The following IP6K1 variants were observed in gnomAD, a reference collection of about 807,000 sequenced individuals.
IP6K1 encodes ATP:1D-myo-inositol-hexakisphosphate phosphotransferase.
IP6K1 carries 13 observed loss-of-function variants against 38.3 expected under a neutral mutation model. The observed-to-expected ratio is 0.34, with a 90% confidence interval of 0.22 to 0.54. The LOEUF (loss-of-function observed/expected upper bound fraction) is 0.54. Ranked by LOEUF, IP6K1 falls within the 20% of genes least tolerant of loss-of-function variation. IP6K1 has a pLI of 0.92. For synonymous variants in IP6K1, 212 were observed against 229.9 expected, an observed-to-expected ratio of 0.92 and a Z score of 0.70; for missense variants, 397 against 599.8, an observed-to-expected ratio of 0.66 and a Z score of 3.53.
In IP6K1 at chr3:49,724,953, A is replaced by G. The variant is rs942924099; in HGVS notation, c.*2169T>C. 4 of 152,948 alleles carry G rather than the reference A, an allele frequency of 2.6e-5. No individual in the cohort carries two copies. Among genetic ancestry groups the G allele is most frequent in the African/African-American group, 9.6e-5 (4 of 41,460 alleles). The allele number at this position is 152,948 out of a possible 1,614,324, so 9.5% of individuals were successfully genotyped here. ...ACTTTGTTCCCAAGTTGGGGCTAAG[A>G]AGGCTGGGCCTGGCAGGGACAGGGC... On this transcript the variant is annotated 3_prime_UTR_variant, in exon 6 of 6. Coordinates refer to ENST00000321599, the MANE Select transcript of IP6K1 (RefSeq NM_153273.4).
At chr3:49,755,498 A>G (rs936049116) in intron 1 of IP6K1, among the ~76,000 whole-genome samples, 1 of 152,180 alleles carries the variant, frequency 6.6e-6, no homozygotes, top group Non-Finnish European at 1.5e-5. Flanking sequence ...AATTCTGGCA[A>G]CAGTATTTTT....
intron 3 of IP6K1, among the ~76,000 whole-genome samples, chr3:49,734,339 C>CAAATTACA (rs997105831): frequency 2.7e-5 from 4 of 150,446 alleles, no homozygotes; most frequent in Admixed American, 2.7e-4. Flanking sequence ...ATGTGCCCTG[C>CAAATTACA]AAATTACAGA....
At chr3:49,750,115 C>A (rs185273425) in intron 1 of IP6K1, among the ~76,000 whole-genome samples, 155 of 152,304 alleles carry the variant, frequency 1.0e-3, no homozygotes, top group Non-Finnish European at 1.7e-3. Context: ...CAGTTTCCAC[C>A]ACGTAGTAAA....
At chr3:49,742,534 G>A (rs1483157760) in intron 2 of IP6K1, among the ~76,000 whole-genome samples, 1 of 152,094 alleles carries the variant, frequency 6.6e-6, no homozygotes, top group Non-Finnish European at 1.5e-5. Context: ...GGGCAACAGA[G>A]TGAGACTCCA....
chr3:49,741,350 C>T (rs1289578001), intron 2 of IP6K1, among the ~76,000 whole-genome samples: 2 of 152,110 alleles, frequency 1.3e-5, no homozygotes, highest in Non-Finnish European at 2.9e-5. Flanking sequence ...TATAGCCATA[C>T]TAGGTAAAAT....
At chr3:49,740,673 A>G (rs1456542234) in intron 2 of IP6K1, among the ~76,000 whole-genome samples, 1 of 152,120 alleles carries the variant, frequency 6.6e-6, no homozygotes, top group Non-Finnish European at 1.5e-5. Context: ...GTCACAGCAT[A>G]TATCAGAACT....
At chr3:49,783,349 A>C (rs561139748) in intron 1 of IP6K1, among the ~76,000 whole-genome samples, 1 of 152,140 alleles carries the variant, frequency 6.6e-6, no homozygotes, top group South Asian at 2.1e-4. Context: ...AGGAGTGACC[A>C]GCCTGGCCAA....
At chr3:49,755,278 G>A (rs1356373367) in intron 1 of IP6K1, among the ~76,000 whole-genome samples, 1 of 151,932 alleles carries the variant, frequency 6.6e-6, no homozygotes, top group Non-Finnish European at 1.5e-5. Context: ...AGCACCTTTA[G>A]TGCCTTCACA....
At chr3:49,734,088 T>A (rs1308382246) in intron 3 of IP6K1, among the ~76,000 whole-genome samples, 1 of 152,142 alleles carries the variant, frequency 6.6e-6, no homozygotes, top group Non-Finnish European at 1.5e-5. Context: ...CACTGAGCCA[T>A]GATCATGCCA....
chr3:49,747,420 T>TA (rs763000241), intron 2 of IP6K1, among the ~76,000 whole-genome samples: 53 of 152,266 alleles, frequency 3.5e-4, no homozygotes, highest in Non-Finnish European at 6.8e-4. Context: ...CCCCAGCACA[T>TA]ATAGACACAG....
intron 1 of IP6K1, among the ~76,000 whole-genome samples, chr3:49,777,626 G>A (rs1274336566): frequency 6.6e-6 from 1 of 150,800 alleles, no homozygotes; most frequent in Admixed American, 6.6e-5. Flanking sequence ...TAAAAACAAT[G>A]ATAAAGGGCC....
chr3:49,756,277 C>T (rs148192828), intron 1 of IP6K1, among the ~76,000 whole-genome samples: 1 of 152,140 alleles, frequency 6.6e-6, no homozygotes. Context: ...AGCCCATCAA[C>T]GAACAGCAAG....
intron 2 of IP6K1, among the ~76,000 whole-genome samples, chr3:49,747,150 A>T (rs577036220): frequency 6.6e-6 from 1 of 152,322 alleles, no homozygotes; most frequent in African/African-American, 2.4e-5. Flanking sequence ...GACAGTGTTA[A>T]CCTGACTGAA....
intron 1 of IP6K1, among the ~76,000 whole-genome samples, chr3:49,760,780 T>A (rs2080861621): frequency 6.6e-6 from 1 of 152,138 alleles, no homozygotes; most frequent in Admixed American, 6.6e-5. Flanking sequence ...TTAAACAGCC[T>A]GAACATGCAG....
chr3:49,743,673 G>A (rs1036185138), intron 2 of IP6K1, among the ~76,000 whole-genome samples: 1 of 138,198 alleles, frequency 7.2e-6, no homozygotes, highest in Non-Finnish European at 1.5e-5. Flanking sequence ...AGGCTGGAAT[G>A]CAATGGCGTG....
chr3:49,754,095 T>C (rs2080801623), intron 1 of IP6K1, among the ~76,000 whole-genome samples: 1 of 152,046 alleles, frequency 6.6e-6, no homozygotes, highest in East Asian at 1.9e-4. Context: ...AGGCCAGCTG[T>C]GGTAGTCATG....
At chr3:49,729,985 T>G (rs897203897) in intron 4 of IP6K1, among the ~76,000 whole-genome samples, 1 of 152,022 alleles carries the variant, frequency 6.6e-6, no homozygotes, top group Non-Finnish European at 1.5e-5. Context: ...CTCTGCCTCC[T>G]GGGTTCAAGC....
rs117705499 is a variant in IP6K1 at position 49,733,895 on chromosome 3, C to A, written c.435-923G>T. ...CTATAATCCCAACACTTTGGGAGGC[C>A]AAGGTAGGAGGATCACTTGAGCCCA... is the stretch of plus-strand genomic sequence containing the variant. On this transcript the variant is annotated intron_variant, in intron 3 of 5. Coordinates refer to ENST00000321599, the MANE Select transcript of IP6K1 (RefSeq NM_153273.4). Among the ~76,000 whole-genome samples the A allele has an allele frequency of 2.0e-3, 300 of 152,226 alleles. 10 individuals are homozygous for A. In the East Asian group the frequency reaches 0.05, roughly 25 times the overall value.
rs1169718296 is a variant in IP6K1 at position 49,738,083 on chromosome 3, T to C, written c.434+129A>G. 6 of 712,496 alleles carry C rather than the reference T, an allele frequency of 8.4e-6. No homozygotes were observed. In the African/African-American group the frequency reaches 8.7e-5, roughly 10 times the overall value. The allele number at this position is 712,496 out of a possible 1,614,324, so 44.1% of individuals were successfully genotyped here. On this transcript the variant is annotated intron_variant, in intron 3 of 5. Coordinates refer to ENST00000321599, the MANE Select transcript of IP6K1 (RefSeq NM_153273.4). ...TGACACAGAGAAGAGGCTACACCTG[T>C]GTGGGTATCCCAAGAACACCAGTCA...
Sources: allele counts gnomAD v4.1 joint callset (sites outside exome capture counted in the v4.1 genomes callset), GRCh38; gene constraint gnomAD v4.1.1; transcripts MANE v1.5; gene names NCBI Gene and HGNC (gene_info 2026-07-23, HGNC 2026-07-21).